Variants in CNTNAP5 observed in about 807,000 individuals in gnomAD.
The protein encoded by CNTNAP5 is contactin associated protein family member 5.
A neutral mutation model predicts 150.2 loss-of-function variants in CNTNAP5; 72 were observed. That is an observed-to-expected ratio of 0.48 (90% CI 0.40 to 0.58). The LOEUF (loss-of-function observed/expected upper bound fraction) is 0.58, where lower values mean the gene tolerates loss of function less well. Among genes scored for constraint, CNTNAP5 ranks in the 20% least tolerant of loss-of-function variants. CNTNAP5 has a pLI of 0.00. For missense variants in CNTNAP5, 1,636 were observed against 1,626.2 expected (o/e 1.01, Z -0.10); for synonymous variants, 672 against 619.8 (o/e 1.08, Z -1.25).
chr2:124,104,142 C>G (rs1027208154), intron 1 of CNTNAP5, among the ~76,000 whole-genome samples: 1 of 151,238 alleles, frequency 6.6e-6, no homozygotes, highest in Non-Finnish European at 1.5e-5. Context: ...CTTTCCTATA[C>G]AACCAAACTT....
At chr2:124,555,406 G>A (rs1454946740) in intron 10 of CNTNAP5, among the ~76,000 whole-genome samples, 1 of 152,134 alleles carries the variant, frequency 6.6e-6, no homozygotes, top group Non-Finnish European at 1.5e-5. Flanking sequence ...CTCAGACAAG[G>A]TCTCCATAAC....
chr2:124,321,641 A>C (rs936983151), intron 3 of CNTNAP5, among the ~76,000 whole-genome samples: 2 of 152,176 alleles, frequency 1.3e-5, no homozygotes, highest in African/African-American at 4.8e-5. Context: ...GTTTTAATAG[A>C]CATCTTGCAG....
At position 124,598,570 on chromosome 2, in the gene CNTNAP5, G is replaced by C. The variant is rs1250182897; in HGVS notation, c.1757-11231G>C. On this transcript the variant is annotated intron_variant, in intron 11 of 23. Transcript: ENST00000682447. ...AAGGCTGTCAGACAGGGACATTTAA[G>C]TCTGCAGAGGTTACTGCTGTCTTTT... Among the ~76,000 whole-genome samples the C allele has an allele frequency of 1.1e-4, 16 of 150,878 alleles. No homozygotes were observed. The South Asian group carries it at 3.4e-3, about 32-fold the overall frequency.
intron 18 of CNTNAP5, among the ~76,000 whole-genome samples, chr2:124,792,049 G>A (rs1681746699): frequency 6.6e-6 from 1 of 152,140 alleles, no homozygotes. Context: ...CTACAAGATG[G>A]TTCTGAACAG....
intron 13 of CNTNAP5, among the ~76,000 whole-genome samples, chr2:124,688,500 G>A (rs1410573894): frequency 2.6e-5 from 4 of 152,052 alleles, no homozygotes; most frequent in Admixed American, 2.6e-4. Flanking sequence ...AAAATGCAGA[G>A]GAGTGAGTCA....
intron 8 of CNTNAP5, among the ~76,000 whole-genome samples, chr2:124,523,760 G>T (rs1004055997): frequency 6.6e-6 from 1 of 152,060 alleles, no homozygotes; most frequent in South Asian, 2.1e-4. Context: ...TATGAAAAAC[G>T]CTGCAATTGG....
intron 3 of CNTNAP5, among the ~76,000 whole-genome samples, chr2:124,373,067 C>T (rs964984862): frequency 9.2e-5 from 14 of 152,066 alleles, no homozygotes; most frequent in African/African-American, 3.4e-4. Context: ...AGTCCAAAGA[C>T]AGATATCAGA....
At chr2:124,647,690 C>T (rs530894886) in intron 12 of CNTNAP5, 68 bp from the exon 13 acceptor site, 7 of 1,443,728 alleles carry the variant, frequency 4.8e-6, no homozygotes, top group African/African-American at 2.8e-5. Flanking sequence ...GCCCATCACA[C>T]TGCTCACATG....
At chr2:124,682,155 T>C (rs994636733) in intron 13 of CNTNAP5, among the ~76,000 whole-genome samples, 1 of 152,198 alleles carries the variant, frequency 6.6e-6, no homozygotes, top group African/African-American at 2.4e-5. Flanking sequence ...TACACATCCA[T>C]GCACATGAAT....
chr2:124,070,767 C>A (rs1682285346), intron 1 of CNTNAP5, among the ~76,000 whole-genome samples: 1 of 151,928 alleles, frequency 6.6e-6, no homozygotes, highest in South Asian at 2.1e-4. Flanking sequence ...ATTCAGTACT[C>A]CATTTTCAGG....
intron 3 of CNTNAP5, among the ~76,000 whole-genome samples, chr2:124,292,829 C>G (rs904728020): frequency 6.6e-6 from 1 of 151,958 alleles, no homozygotes; most frequent in Non-Finnish European, 1.5e-5. Flanking sequence ...TAAATAATAT[C>G]GTGGTCTACA....
At chr2:124,331,208 C>T (rs138707438) in intron 3 of CNTNAP5, among the ~76,000 whole-genome samples, 17 of 152,018 alleles carry the variant, frequency 1.1e-4, no homozygotes, top group African/African-American at 3.9e-4. Context: ...CTTTAAGCAA[C>T]AAGAATTAAA....
intron 1 of CNTNAP5, among the ~76,000 whole-genome samples, chr2:124,178,218 T>C (rs191800453): frequency 1.3e-5 from 2 of 152,302 alleles, no homozygotes. Context: ...TTGCACATAC[T>C]AAGCAACTAT....
At chr2:124,801,622 G>A (rs1681968986) in intron 19 of CNTNAP5, among the ~76,000 whole-genome samples, 1 of 152,104 alleles carries the variant, frequency 6.6e-6, no homozygotes, top group Admixed American at 6.5e-5. Flanking sequence ...TTCTTGTGTA[G>A]TCTTACATTA....
At chr2:124,467,461 G>A (rs1442654139) in intron 6 of CNTNAP5, among the ~76,000 whole-genome samples, 1 of 152,114 alleles carries the variant, frequency 6.6e-6, no homozygotes, top group Non-Finnish European at 1.5e-5. Context: ...TTCCATAGTG[G>A]TAATTCTTAT....
At chr2:124,350,334 T>A (rs1318964789) in intron 3 of CNTNAP5, among the ~76,000 whole-genome samples, 1 of 152,166 alleles carries the variant, frequency 6.6e-6, no homozygotes, top group East Asian at 1.9e-4. Context: ...GAAAATTGGA[T>A]CTCCTTCCAG....
intron 7 of CNTNAP5, among the ~76,000 whole-genome samples, chr2:124,500,944 G>C (rs762320339): frequency 3.3e-5 from 5 of 152,148 alleles, no homozygotes; most frequent in African/African-American, 1.2e-4. Flanking sequence ...GGAGCCCACG[G>C]TTCAACTGGA....
chr2:124,514,980 T>C (rs1055929282), intron 8 of CNTNAP5, among the ~76,000 whole-genome samples: 78 of 152,194 alleles, frequency 5.1e-4, no homozygotes, highest in African/African-American at 1.8e-3. Flanking sequence ...CATTCAAGTC[T>C]ACCAAGGAAA....
chr2:124,779,530 T>TAC (rs138904740), intron 17 of CNTNAP5, among the ~76,000 whole-genome samples: 40 of 152,032 alleles, frequency 2.6e-4, no homozygotes, highest in Admixed American at 2.1e-3. Context: ...CTCACACACA[T>TAC]ACACACACAC....
Sources: gnomAD v4.1 joint callset for allele counts (sites outside exome capture counted in the v4.1 genomes callset) on GRCh38, gnomAD v4.1.1 for gene constraint, MANE v1.5 for transcripts, NCBI Gene and HGNC (gene_info 2026-07-23, HGNC 2026-07-21) for gene names.